GRM8: variants seen among roughly 807,000 people sequenced by gnomAD.
GRM8 encodes glutamate metabotropic receptor 8, also known as metabotropic glutamate receptor 8.
GRM8 carries 47 observed loss-of-function variants against 87.2 expected under a neutral mutation model. The ratio of observed to expected loss-of-function variants is 0.54; its 90% CI spans 0.43 to 0.69. The LOEUF is 0.69. Ranked by LOEUF, GRM8 falls within the 30% of genes least tolerant of loss-of-function variation. The probability of loss-of-function intolerance (pLI) is 0.00; values close to 1 mark genes in which losing one functional copy is unlikely to be tolerated. For synonymous variants in GRM8, 396 were observed against 404.5 expected (o/e 0.98, Z 0.25); for missense variants, 1,019 against 1,139.2 (o/e 0.89, Z 1.52).
At chr7:126,490,531 C>G (rs1479089220) in intron 9 of GRM8, among the ~76,000 whole-genome samples, 2 of 152,006 alleles carry the variant, frequency 1.3e-5, no homozygotes, top group Non-Finnish European at 2.9e-5. Context: ...CCTTAGAGAA[C>G]AAGAACTATG....
intron 6 of GRM8, among the ~76,000 whole-genome samples, chr7:126,834,456 A>G (rs1429807105): frequency 6.6e-6 from 1 of 152,234 alleles, no homozygotes; most frequent in Non-Finnish European, 1.5e-5. Context: ...CAATCCTATG[A>G]GGATTATATT....
intron 2 of GRM8, among the ~76,000 whole-genome samples, chr7:127,120,138 G>A (rs1483090242): frequency 1.3e-5 from 2 of 152,154 alleles, no homozygotes; most frequent in Middle Eastern, 3.2e-3. Context: ...CCAGAATTAT[G>A]TGAGTGCCAC....
chr7:126,650,039 C>T (rs1187433368), intron 7 of GRM8, among the ~76,000 whole-genome samples: 2 of 152,194 alleles, frequency 1.3e-5, no homozygotes, highest in South Asian at 2.1e-4. Flanking sequence ...GCTCTTGTCC[C>T]GTTACTGGGC....
At chr7:126,645,603 C>T (rs1295885538) in intron 7 of GRM8, among the ~76,000 whole-genome samples, 1 of 152,220 alleles carries the variant, frequency 6.6e-6, no homozygotes, top group Non-Finnish European at 1.5e-5. Context: ...GCAATAGCAC[C>T]ATCTCAATTG....
At chr7:127,107,905 G>A (rs1404613462) in intron 2 of GRM8, among the ~76,000 whole-genome samples, 1 of 152,202 alleles carries the variant, frequency 6.6e-6, no homozygotes, top group Admixed American at 6.5e-5. Context: ...AGCAGCAGCA[G>A]AGCAATGTGC....
At chr7:126,546,312 G>A (rs1318215621) in intron 8 of GRM8, among the ~76,000 whole-genome samples, 3 of 152,076 alleles carry the variant, frequency 2.0e-5, no homozygotes, top group South Asian at 2.1e-4. Flanking sequence ...CAATAGATTC[G>A]AGTCCAGGGT....
At chr7:126,742,923 G>A (rs1815181761) in intron 7 of GRM8, among the ~76,000 whole-genome samples, 3 of 151,938 alleles carry the variant, frequency 2.0e-5, no homozygotes, top group Admixed American at 1.3e-4. Context: ...TGCGGGAAGG[G>A]ACTCTATCTT....
At chr7:126,811,976 G>A (rs1793342773) in intron 6 of GRM8, among the ~76,000 whole-genome samples, 1 of 151,920 alleles carries the variant, frequency 6.6e-6, no homozygotes, top group African/African-American at 2.4e-5. Context: ...AGATTTTGAA[G>A]GGTGGAGGGG....
intron 2 of GRM8, among the ~76,000 whole-genome samples, chr7:127,222,101 G>A (rs977035377): frequency 1.3e-5 from 2 of 152,166 alleles, no homozygotes; most frequent in African/African-American, 4.8e-5. Context: ...GAGAATGAGG[G>A]TTTTCATTAC....
At chr7:127,087,366 T>A (rs1344178824) in intron 3 of GRM8, among the ~76,000 whole-genome samples, 1 of 152,218 alleles carries the variant, frequency 6.6e-6, no homozygotes, top group Non-Finnish European at 1.5e-5. Context: ...GAGACCAATA[T>A]ACCTTCCAGA....
At chr7:126,513,317 T>A (rs1811678038) in intron 9 of GRM8, among the ~76,000 whole-genome samples, 2 of 152,232 alleles carry the variant, frequency 1.3e-5, no homozygotes, top group South Asian at 2.1e-4. Flanking sequence ...ATTTTTTTTT[T>A]AAGAATCCCA....
intron 7 of GRM8, among the ~76,000 whole-genome samples, chr7:126,618,650 C>G (rs1463770309): frequency 6.6e-5 from 10 of 151,936 alleles, no homozygotes; most frequent in South Asian, 6.2e-4. Flanking sequence ...CTAATATCCA[C>G]AATCTACAAA....
intron 6 of GRM8, among the ~76,000 whole-genome samples, chr7:126,883,569 CT>C (rs1243465328): frequency 6.6e-6 from 1 of 152,068 alleles, no homozygotes; most frequent in African/African-American, 2.4e-5. Context: ...ATAAAAATAG[CT>C]ATTGTTTTAT....
chr7:126,927,646 G>T (rs1805282599), intron 3 of GRM8, among the ~76,000 whole-genome samples: 1 of 152,176 alleles, frequency 6.6e-6, no homozygotes, highest in Non-Finnish European at 1.5e-5. Flanking sequence ...TTAGAGAAAT[G>T]CAAATCAAAA....
chr7:126,573,458 G>A (rs1486838491), intron 8 of GRM8, among the ~76,000 whole-genome samples: 3 of 151,720 alleles, frequency 2.0e-5, no homozygotes, highest in Non-Finnish European at 2.9e-5. Context: ...ACTTTTCTGG[G>A]GCCACAAAAT....
intron 3 of GRM8, among the ~76,000 whole-genome samples, chr7:127,025,848 T>C (rs950797041): frequency 6.6e-6 from 1 of 152,016 alleles, no homozygotes; most frequent in African/African-American, 2.4e-5. Flanking sequence ...TCATATCATT[T>C]CTAGGTGATT....
At chr7:126,440,247 A>G (rs1439278442) in intron 10 of GRM8, among the ~76,000 whole-genome samples, 1 of 151,680 alleles carries the variant, frequency 6.6e-6, no homozygotes, top group Admixed American at 6.6e-5. Flanking sequence ...TCCTGTGTCT[A>G]CTAAAAATAC....
At chr7:126,946,653 G>C (rs1807573483) in intron 3 of GRM8, among the ~76,000 whole-genome samples, 1 of 152,206 alleles carries the variant, frequency 6.6e-6, no homozygotes, top group Admixed American at 6.5e-5. Context: ...AGAGTGCCAA[G>C]TCATGATCAA....
intron 3 of GRM8, chr7:126,981,028 A>G (rs1438449583): frequency 6.6e-6 from 1 of 152,274 alleles, no homozygotes; most frequent in Non-Finnish European, 1.5e-5. Flanking sequence ...GTCAGGTGCT[A>G]AGCCCACCAC....
Sources: gnomAD v4.1 joint callset for allele counts (sites outside exome capture counted in the v4.1 genomes callset) on GRCh38, gnomAD v4.1.1 for gene constraint, MANE v1.5 for transcripts, NCBI Gene and HGNC (gene_info 2026-07-23, HGNC 2026-07-21) for gene names.